CDK8: variants seen among roughly 807,000 people sequenced by gnomAD.
CDK8 encodes cyclin-dependent kinase 8.
A neutral mutation model predicts 71.5 loss-of-function variants in CDK8; 29 were observed. The ratio of observed to expected loss-of-function variants is 0.41; its 90% CI spans 0.30 to 0.55. CDK8 has a LOEUF of 0.55. CDK8 is among the 20% of genes least tolerant of loss of function. The pLI is 0.37. For missense variants in CDK8, 288 were observed against 572.6 expected (o/e 0.50, Z 5.07); for synonymous variants, 161 against 192.1 (o/e 0.84, Z 1.34).
At chr13:26,325,321 G>A (rs1235922096) in intron 1 of CDK8, among the ~76,000 whole-genome samples, 1 of 152,170 alleles carries the variant, frequency 6.6e-6, no homozygotes, top group Non-Finnish European at 1.5e-5. Flanking sequence ...AATATGGCAA[G>A]GGACCTTAAA....
At chr13:26,297,183 A>T (rs1484427667) in intron 1 of CDK8, among the ~76,000 whole-genome samples, 1 of 152,218 alleles carries the variant, frequency 6.6e-6, no homozygotes, top group Non-Finnish European at 1.5e-5. Context: ...CTCCCAAAGG[A>T]AAATGTTTAT....
At chr13:26,359,860 C>T (rs528478058) in intron 4 of CDK8, 48 of 225,960 alleles carry the variant, frequency 2.1e-4, no homozygotes, top group South Asian at 1.2e-3. Context: ...GGATTACAGG[C>T]GTGTACCACC....
At chr13:26,403,837 A>G (rs911910320) in intron 12 of CDK8, 119 bp from the exon 13 acceptor site, 3 of 1,248,082 alleles carry the variant, frequency 2.4e-6, no homozygotes, top group Admixed American at 2.0e-5. Flanking sequence ...AAGTTAGTAC[A>G]TAGCACAAAA....
At chr13:26,388,380 T>C (rs1875581338) in intron 6 of CDK8, among the ~76,000 whole-genome samples, 1 of 152,224 alleles carries the variant, frequency 6.6e-6, no homozygotes, top group African/African-American at 2.4e-5. Context: ...TAAATACATA[T>C]CTGGGTATCT....
At chr13:26,350,508 T>C (rs1406271061) in intron 3 of CDK8, among the ~76,000 whole-genome samples, 1 of 152,138 alleles carries the variant, frequency 6.6e-6, no homozygotes. Context: ...CAGTGGCACA[T>C]GCTGTGGTCC....
intron 1 of CDK8, among the ~76,000 whole-genome samples, chr13:26,302,000 A>C (rs1873843469): frequency 6.6e-6 from 1 of 152,232 alleles, no homozygotes; most frequent in African/African-American, 2.4e-5. Flanking sequence ...TGGTTCACAG[A>C]AAGTGAGGCA....
At chr13:26,372,915 A>T (rs1237922876) in intron 4 of CDK8, among the ~76,000 whole-genome samples, 1 of 152,196 alleles carries the variant, frequency 6.6e-6, no homozygotes, top group Non-Finnish European at 1.5e-5. Flanking sequence ...TAGACCCTGC[A>T]GTGCCTGGCC....
intron 3 of CDK8, among the ~76,000 whole-genome samples, chr13:26,351,990 G>GT (rs1873697257): frequency 6.6e-6 from 1 of 151,868 alleles, no homozygotes. Flanking sequence ...TAAAACATTG[G>GT]TAAAAAAAGT....
intron 4 of CDK8, among the ~76,000 whole-genome samples, chr13:26,374,707 G>A (rs9551265): frequency 0.41 from 62,180 of 151,706 alleles, 14,442 homozygotes; most frequent in Non-Finnish European, 0.52. Context: ...ACCAATGAAA[G>A]GTATGCAAAT....
intron 2 of CDK8, among the ~76,000 whole-genome samples, chr13:26,339,948 T>C (rs1446368350): frequency 6.6e-6 from 1 of 151,638 alleles, no homozygotes; most frequent in Non-Finnish European, 1.5e-5. Flanking sequence ...TCTCACACAA[T>C]GTTGAATAGT....
intron 4 of CDK8, among the ~76,000 whole-genome samples, chr13:26,378,638 C>T (rs1875069105): frequency 6.6e-6 from 1 of 152,136 alleles, no homozygotes; most frequent in African/African-American, 2.4e-5. Context: ...TTTCTGATCT[C>T]CATGGCAACA....
At chr13:26,397,858 C>T (rs57988501) in intron 9 of CDK8, among the ~76,000 whole-genome samples, 9,187 of 152,094 alleles carry the variant, frequency 0.06, 468 homozygotes, top group African/African-American at 0.13. Context: ...ATTGTTACAG[C>T]GTAATAATTA....
intron 4 of CDK8, among the ~76,000 whole-genome samples, chr13:26,374,701 A>G (rs934114249): frequency 3.9e-5 from 6 of 152,190 alleles, no homozygotes; most frequent in Non-Finnish European, 8.8e-5. Context: ...ATGATTACCA[A>G]TGAAAGGTAT....
intron 1 of CDK8, among the ~76,000 whole-genome samples, chr13:26,300,019 A>C (rs1337940224): frequency 6.6e-6 from 1 of 152,096 alleles, no homozygotes; most frequent in Admixed American, 6.6e-5. Flanking sequence ...ATAATTATAT[A>C]ATTACAGAAA....
chr13:26,328,161 C>G (rs1298055633), intron 1 of CDK8, among the ~76,000 whole-genome samples: 2 of 152,080 alleles, frequency 1.3e-5, no homozygotes, highest in African/African-American at 4.8e-5. Flanking sequence ...GACCTTTCCC[C>G]CTTAATAATC....
chr13:26,280,655 T>C (rs1462856697), intron 1 of CDK8, among the ~76,000 whole-genome samples: 1 of 152,276 alleles, frequency 6.6e-6, no homozygotes, highest in African/African-American at 2.4e-5. Flanking sequence ...TTGCCTGTTT[T>C]TCTACTGTGT....
chr13:26,364,310 C>A (rs1269379011), intron 4 of CDK8, among the ~76,000 whole-genome samples: 1 of 152,098 alleles, frequency 6.6e-6, no homozygotes, highest in African/African-American at 2.4e-5. Context: ...ATTACTGTTT[C>A]ATGAAACTTT....
intron 4 of CDK8, chr13:26,359,752 G>T (rs1299617249): frequency 4.7e-6 from 2 of 427,990 alleles, no homozygotes; most frequent in Non-Finnish European, 9.4e-6. Flanking sequence ...TCATCACTCT[G>T]TTGCCCAGGC....
chr13:26,330,426 A>G (rs983701924), intron 1 of CDK8, among the ~76,000 whole-genome samples: 1 of 152,110 alleles, frequency 6.6e-6, no homozygotes, highest in African/African-American at 2.4e-5. Context: ...GCTGGCCTCA[A>G]ACTCCTGACC....
Sources: gnomAD v4.1 joint callset for allele counts (sites outside exome capture counted in the v4.1 genomes callset) on GRCh38, gnomAD v4.1.1 for gene constraint, MANE v1.5 for transcripts, NCBI Gene and HGNC (gene_info 2026-07-23, HGNC 2026-07-21) for gene names.